Variants in TEC observed in about 807,000 individuals in gnomAD.
TEC encodes tec protein tyrosine kinase.
In TEC, 72 loss-of-function variants were observed where a neutral mutation model predicts 93.0. That is an observed-to-expected ratio of 0.77 (90% CI 0.64 to 0.94). The LOEUF is 0.94. TEC is among the 40% of genes least tolerant of loss of function. The pLI is 0.00. For missense variants in TEC, 630 were observed against 757.9 expected (o/e 0.83, Z 1.98); for synonymous variants, 249 against 247.7 (o/e 1.01, Z -0.05).
chr4:48,172,454 A>G (rs1226591969), intron 3 of TEC, among the ~76,000 whole-genome samples: 1 of 147,710 alleles, frequency 6.8e-6, no homozygotes, highest in East Asian at 2.0e-4. Flanking sequence ...TTTTTCTTAG[A>G]GATGGGGTCT....
chr4:48,254,692 G>A (rs1724294741), intron 1 of TEC, among the ~76,000 whole-genome samples: 2 of 152,266 alleles, frequency 1.3e-5, no homozygotes, highest in South Asian at 4.1e-4. Context: ...AGCATCCAAA[G>A]AGTAGGTTGA....
chr4:48,214,459 A>G (rs1157780855), intron 2 of TEC, among the ~76,000 whole-genome samples: 3 of 152,206 alleles, frequency 2.0e-5, no homozygotes, highest in Non-Finnish European at 4.4e-5. Context: ...ACGATTTTTC[A>G]AATTTATGAT....
In TEC at chr4:48,152,375, T is replaced by G. The variant is rs559997425; in HGVS notation, c.793-1433A>C. 6.6e-5 allele frequency among the ~76,000 whole-genome samples: 10 copies of G among 151,798 alleles called. No individual in the cohort carries two copies. The East Asian group carries it at 1.7e-3, about 26-fold the overall frequency. ...ATCACTTGAATCCTGGAGGTGGAGG[T>G]TGCAGTAAGCTGAGATCATACCACT... On this transcript the variant is annotated intron_variant, in intron 9 of 17. Coordinates refer to ENST00000381501, the MANE Select transcript of TEC (RefSeq NM_003215.3).
chr4:48,193,010 C>T (rs1722144827), intron 2 of TEC, among the ~76,000 whole-genome samples: 1 of 151,928 alleles, frequency 6.6e-6, no homozygotes, highest in Non-Finnish European at 1.5e-5. Context: ...TAGCAGGTGC[C>T]CAATAACTTT....
At chr4:48,168,012 C>A in intron 6 of TEC, 59 bp from the exon 7 acceptor site, 2 of 1,503,904 alleles carry the variant, frequency 1.3e-6, no homozygotes, top group South Asian at 1.2e-5. Context: ...GATCATGAAT[C>A]AAAACACTAA....
chr4:48,201,850 C>T (rs967410266), intron 2 of TEC, among the ~76,000 whole-genome samples: 40 of 152,098 alleles, frequency 2.6e-4, no homozygotes, highest in Non-Finnish European at 3.2e-4. Flanking sequence ...TTCCCTTTCT[C>T]CCCAGAGAAC....
rs570516202 is a variant in TEC at position 48,191,082 on chromosome 4, C to G, written c.139-14896G>C. ...CTGTGCTTAAATGCCAGCTCTGTGG[C>G]CCCATGCAAATTAAATAACCTCTTC... On this transcript the variant is annotated intron_variant, in intron 2 of 17. Transcript: ENST00000381501. Among the ~76,000 whole-genome samples the G allele has an allele frequency of 5.3e-4, 80 of 152,302 alleles. No homozygotes were observed. In the East Asian group the frequency reaches 0.015, roughly 28 times the overall value.
At chr4:48,208,299 A>C (rs1445282485) in intron 2 of TEC, among the ~76,000 whole-genome samples, 2 of 152,220 alleles carry the variant, frequency 1.3e-5, no homozygotes, top group African/African-American at 4.8e-5. Flanking sequence ...GACCTCTCCA[A>C]GATCACACTG....
chr4:48,193,821 A>G (rs1722184780), intron 2 of TEC, among the ~76,000 whole-genome samples: 1 of 152,044 alleles, frequency 6.6e-6, no homozygotes, highest in Middle Eastern at 3.4e-3. Context: ...AAGTGGAAAT[A>G]ACTAGAATCA....
intron 8 of TEC, among the ~76,000 whole-genome samples, chr4:48,159,963 C>A (rs537675627): frequency 1.3e-5 from 2 of 152,162 alleles, no homozygotes; most frequent in African/African-American, 4.8e-5. Context: ...AACATCTTCC[C>A]CCAGGCCCCT....
At position 48,186,110 on chromosome 4, in the gene TEC, C is replaced by T. The variant is rs527477024; in HGVS notation, c.139-9924G>A. Among the ~76,000 whole-genome samples the T allele has an allele frequency of 3.9e-5, 6 of 152,332 alleles. No individual in the cohort carries two copies. In the East Asian group the frequency reaches 7.7e-4, roughly 20 times the overall value. Reference sequence around the variant, plus strand: ...CTGACCGTGAGTGATCTGCCTGCCTCGGCCTCCCGAGGTGCCGGGATTGCA... The same window carrying T: ...CTGACCGTGAGTGATCTGCCTGCCTTGGCCTCCCGAGGTGCCGGGATTGCA... On this transcript the variant is annotated intron_variant, in intron 2 of 17. Transcript: ENST00000381501.
At chr4:48,205,042 A>T (rs1722657492) in intron 2 of TEC, among the ~76,000 whole-genome samples, 1 of 152,216 alleles carries the variant, frequency 6.6e-6, no homozygotes. Flanking sequence ...CAACTTTGAC[A>T]CTTATTAGTT....
intron 2 of TEC, among the ~76,000 whole-genome samples, chr4:48,193,369 T>C (rs753167032): frequency 1.3e-5 from 2 of 152,144 alleles, no homozygotes; most frequent in Non-Finnish European, 2.9e-5. Flanking sequence ...CTCAGACCTA[T>C]ACCACACCAG....
chr4:48,179,352 A>T (rs868666401), intron 2 of TEC, among the ~76,000 whole-genome samples: 3 of 28,174 alleles, frequency 1.1e-4, no homozygotes, highest in Admixed American at 3.9e-4. Flanking sequence ...ATATATATAT[A>T]TATATATATA....
intron 2 of TEC, among the ~76,000 whole-genome samples, chr4:48,203,623 T>C (rs886977050): frequency 6.6e-6 from 1 of 152,126 alleles, no homozygotes; most frequent in African/African-American, 2.4e-5. Flanking sequence ...GATGTATAAG[T>C]GAGTCTGAGA....
At chr4:48,143,205 A>C (rs1431724963) in intron 14 of TEC, among the ~76,000 whole-genome samples, 7 of 152,340 alleles carry the variant, frequency 4.6e-5, no homozygotes, top group Middle Eastern at 3.4e-3. Flanking sequence ...CTGGATGGTC[A>C]ACAGGATTCT....
chr4:48,242,760 C>T (rs970916923), intron 1 of TEC, among the ~76,000 whole-genome samples: 3 of 152,164 alleles, frequency 2.0e-5, no homozygotes, highest in African/African-American at 7.2e-5. Context: ...GTATTTCAAC[C>T]AAGCTCTCAT....
chr4:48,146,456 A>C (rs1186670277), intron 11 of TEC, 57 bp from the exon 12 acceptor site: 2 of 1,513,770 alleles, frequency 1.3e-6, no homozygotes, highest in Non-Finnish European at 1.8e-6. Flanking sequence ...CTGCTTGGTC[A>C]CATGCTACAG....
Position 48,208,014 on chromosome 4 carries a change from G to A in TEC, c.138+20463C>T, listed in dbSNP as rs966045122. Among the ~76,000 whole-genome samples, 7 of 152,256 alleles carry A rather than the reference G, an allele frequency of 4.6e-5. No individual in the cohort carries two copies. In the South Asian group the frequency reaches 1.2e-3, roughly 27 times the overall value. On this transcript the variant is annotated intron_variant, in intron 2 of 17. Transcript: ENST00000381501. Reference sequence around the variant, plus strand: ...AGTCAACATGCCCACACCTACCGATGAGGACCCCAGTGAGAACAGAGTGAT... The same window carrying A: ...AGTCAACATGCCCACACCTACCGATAAGGACCCCAGTGAGAACAGAGTGAT...
Sources: gnomAD v4.1 joint callset for allele counts (sites outside exome capture counted in the v4.1 genomes callset) on GRCh38, gnomAD v4.1.1 for gene constraint, MANE v1.5 for transcripts, NCBI Gene and HGNC (gene_info 2026-07-23, HGNC 2026-07-21) for gene names.